TUBB3: variants seen among roughly 807,000 people sequenced by gnomAD.
The protein encoded by TUBB3 is tubulin beta-3 chain.
Under a neutral mutation model 37.8 loss-of-function variants are expected in TUBB3, and 17 were observed. The ratio of observed to expected loss-of-function variants is 0.45; its 90% CI spans 0.31 to 0.67. The LOEUF is 0.67. Among genes scored for constraint, TUBB3 ranks in the 30% least tolerant of loss-of-function variants. The probability of loss-of-function intolerance (pLI) is 0.07; values close to 1 mark genes in which losing one functional copy is unlikely to be tolerated. For synonymous variants in TUBB3, 332 were observed against 278.9 expected, an observed-to-expected ratio of 1.19 and a Z score of -1.90; for missense variants, 262 against 657.9, an observed-to-expected ratio of 0.40 and a Z score of 6.58.
Position 89,935,903 on chromosome 16 carries a change from C to A in TUBB3, c.*99C>A. The stretch of plus-strand genomic sequence containing the variant: ...ATCTTGCTGCCGACACCCTGCTTTC[C>A]CCTCGCCCTAGGGCTCCCTTGCCGC... On this transcript the variant is annotated 3_prime_UTR_variant, in exon 4 of 4. Coordinates refer to ENST00000315491, the MANE Select transcript of TUBB3 (RefSeq NM_006086.4). The A allele has an allele frequency of 6.9e-7, 1 of 1,453,664 alleles. No individual in the cohort carries two copies. The highest frequency in any genetic ancestry group is 9.3e-7 in the Non-Finnish European group (1 of 1,080,360). 90.0% of individuals were successfully genotyped at this position (1,453,664 alleles called of 1,614,324 possible). A position where few individuals can be genotyped will look rare whatever the true frequency, so the allele number is the denominator to read the frequency against.
rs1003499754 is a variant in TUBB3, at chr16:89,928,728, G to C, written c.58-3843G>C. Among the ~76,000 whole-genome samples the C allele has an allele frequency of 5.3e-5, 8 of 151,860 alleles. No homozygotes were observed. The South Asian group carries it at 1.5e-3, about 28-fold the overall frequency. The stretch of plus-strand genomic sequence containing the variant: ...TTTAGTAGAGACAGGGTTTCACTGT[G>C]CCAGCCAGGATGGTCTCGATCTCCT... On this transcript the variant is annotated intron_variant, in intron 1 of 3. Transcript: ENST00000315491.
At chr16:89,927,012 G>C (rs567413574) in intron 1 of TUBB3, among the ~76,000 whole-genome samples, 1 of 151,798 alleles carries the variant, frequency 6.6e-6, no homozygotes, top group African/African-American at 2.4e-5. Flanking sequence ...CCACCACGCC[G>C]GGCCGATTTC....
At position 89,935,255 on chromosome 16, in the gene TUBB3, C is replaced by A. The variant is rs368243859; in HGVS notation, c.804C>A (p.Pro268=). 76 of 1,613,598 alleles carry A rather than the reference C, an allele frequency of 4.7e-5. No individual in the cohort carries two copies. The highest frequency in any genetic ancestry group is 6.4e-5 in the Non-Finnish European group (76 of 1,179,992). ...VPFPRLHFFM[P]GFAPLTARGS... The stretch of plus-strand genomic sequence containing the variant: ...TCCCGCGCCTGCACTTCTTCATGCC[C>A]GGCTTCGCCCCCCTCACAGCCCGGG... The change falls in exon 4 of 4, where the codon CCC becomes CCA. Residue 268 remains proline, a synonymous_variant. Coordinates refer to ENST00000315491, the MANE Select transcript of TUBB3 (RefSeq NM_006086.4).
chr16:89,923,365 C>A lies in TUBB3; in HGVS notation c.-37C>A, dbSNP rs750230530. ...CCCTCAGCAGCCAGCCCGGCCCGCC[C>A]GCGCCCGTCCGCAGCCGCCCGCCAG... On this transcript the variant is annotated 5_prime_UTR_variant, in exon 1 of 4. Transcript: ENST00000315491. 1.3e-5 allele frequency: 19 copies of A among 1,443,688 alleles called. No homozygotes were observed. In the East Asian group the frequency reaches 4.5e-4, roughly 34 times the overall value. 89.4% of individuals were successfully genotyped at this position (1,443,688 alleles called of 1,614,324 possible).
chr16:89,924,433 T>C (rs1322372334), intron 1 of TUBB3, among the ~76,000 whole-genome samples: 1 of 149,302 alleles, frequency 6.7e-6, no homozygotes, highest in East Asian at 2.0e-4. Flanking sequence ...CCAAAGGATC[T>C]GCCCTCCGAA....
intron 1 of TUBB3, among the ~76,000 whole-genome samples, chr16:89,927,799 C>G (rs1442684595): frequency 6.6e-6 from 1 of 152,262 alleles, no homozygotes; most frequent in East Asian, 1.9e-4. Context: ...TGAATCCACT[C>G]TGCTCCATTG....
At chr16:89,924,861 G>C (rs948986915) in intron 1 of TUBB3, among the ~76,000 whole-genome samples, 1 of 152,008 alleles carries the variant, frequency 6.6e-6, no homozygotes, top group East Asian at 1.9e-4. Context: ...TTGGCCTGAT[G>C]GGAGGGGCTG....
rs141584823 is a variant in TUBB3 at position 89,935,141 on chromosome 16, G to A, written c.690G>A (p.Ser230=). ...ACGGGGACCTCAACCACCTGGTATC[G>A]GCCACCATGAGCGGAGTCACCACCT... The part of the protein sequence containing the change: ...PTYGDLNHLV[S]ATMSGVTTSL... Residue 230 remains serine, a synonymous_variant, in exon 4 of 4, where the codon TCG becomes TCA. Transcript: ENST00000315491. 34 of 1,614,048 alleles carry A rather than the reference G, an allele frequency of 2.1e-5. No individual in the cohort carries two copies. The East Asian group carries it at 2.7e-4, about 13-fold the overall frequency.
rs905258274 is a variant in TUBB3 at position 89,932,734 on chromosome 16, G to T, written c.166+55G>T. 1.2e-5 allele frequency: 17 copies of T among 1,441,416 alleles called. No homozygotes were observed. The Admixed American group carries it at 2.9e-4, about 24-fold the overall frequency. 89.3% of individuals were successfully genotyped at this position (1,441,416 alleles called of 1,614,324 possible). A position where few individuals can be genotyped will look rare whatever the true frequency, so the allele number is the denominator to read the frequency against. ...AGCCCTGGACTGACCAGGTCTCAGC[G>T]TCTGACTGACCAGGTCTCAGCACCT... On this transcript the variant is annotated intron_variant, in intron 2 of 3. Transcript: ENST00000315491.
In TUBB3 at chr16:89,935,255, C is replaced by G. The variant is rs368243859; in HGVS notation, c.804C>G (p.Pro268=). 3 of 1,613,716 alleles carry G rather than the reference C, an allele frequency of 1.9e-6. No homozygotes were observed. The highest frequency in any genetic ancestry group is 2.5e-6 in the Non-Finnish European group (3 of 1,179,984). ...VPFPRLHFFM[P]GFAPLTARGS... is the part of the protein sequence containing the mutation. Reference sequence around the variant, plus strand: ...TCCCGCGCCTGCACTTCTTCATGCCCGGCTTCGCCCCCCTCACAGCCCGGG... The same window carrying G: ...TCCCGCGCCTGCACTTCTTCATGCCGGGCTTCGCCCCCCTCACAGCCCGGG... The change falls in exon 4 of 4, where the codon CCC becomes CCG. Residue 268 remains proline (P), a synonymous_variant. Transcript: ENST00000315491.
chr16:89,923,541 G>GC, intron 1 of TUBB3, 83 bp downstream of exon 1: 1 of 1,235,272 alleles, frequency 8.1e-7, no homozygotes. Flanking sequence ...ACCTCCAGCT[G>GC]CCCCCGCCCC....
At position 89,923,365 on chromosome 16, in the gene TUBB3, CG is replaced by C; in HGVS notation, c.-36del. On this transcript the variant is annotated 5_prime_UTR_variant, in exon 1 of 4. Transcript: ENST00000315491. Reference sequence around the variant, plus strand: ...CCCTCAGCAGCCAGCCCGGCCCGCCCGCGCCCGTCCGCAGCCGCCCGCCAGA... The same window carrying C: ...CCCTCAGCAGCCAGCCCGGCCCGCCCCGCCCGTCCGCAGCCGCCCGCCAGA... 1 of 1,443,686 alleles carries C rather than the reference CG, an allele frequency of 6.9e-7. No individual in the cohort carries two copies. 89.4% of individuals were successfully genotyped at this position (1,443,686 alleles called of 1,614,324 possible). A position where few individuals can be genotyped will look rare whatever the true frequency, so the allele number is the denominator to read the frequency against.
rs535937255 is a variant in TUBB3, at chr16:89,935,455, G to A, written c.1004G>A (p.Ser335Asn). ...GACGAGCAGATGCTGGCCATCCAGA[G>A]CAAGAACAGCAGCTACTTCGTGGAG... Reference protein sequence around the residue: ...EVDEQMLAIQSKNSSYFVEWI... With the variant: ...EVDEQMLAIQNKNSSYFVEWI... Residue 335 changes from serine to asparagine, a missense_variant, in exon 4 of 4, where the codon AGC becomes AAC. Coordinates refer to ENST00000315491, the MANE Select transcript of TUBB3 (RefSeq NM_006086.4). 2 of 1,614,236 alleles carry A rather than the reference G, an allele frequency of 1.2e-6. No homozygotes were observed. Among genetic ancestry groups the A allele is most frequent in the South Asian group, 1.1e-5 (1 of 91,084 alleles).
intron 2 of TUBB3, 44 bp downstream of exon 2, chr16:89,932,723 C>T (rs763302295): frequency 4.6e-6 from 7 of 1,516,386 alleles, no homozygotes; most frequent in South Asian, 2.3e-5. Context: ...CTGGACTGAC[C>T]AGGTCTCAGC....
At chr16:89,927,829 C>T (rs527961659) in intron 1 of TUBB3, among the ~76,000 whole-genome samples, 9 of 152,220 alleles carry the variant, frequency 5.9e-5, no homozygotes, top group Non-Finnish European at 8.8e-5. Flanking sequence ...CCCTGTGCCT[C>T]GCTCTGCAGA....
chr16:89,927,584 T>A (rs60723967), intron 1 of TUBB3, among the ~76,000 whole-genome samples: 52,448 of 152,070 alleles, frequency 0.34, 9,707 homozygotes, highest in East Asian at 0.64. Flanking sequence ...CCATTTTTTT[T>A]AAGTGACCTG....
chr16:89,924,051 C>T (rs1210878755), intron 1 of TUBB3, among the ~76,000 whole-genome samples: 1 of 152,244 alleles, frequency 6.6e-6, no homozygotes, highest in Non-Finnish European at 1.5e-5. Flanking sequence ...GGACCAGGCT[C>T]TCCATCGGCG....
upstream of TUBB3, chr16:89,922,018 C>T (rs1376158255): frequency 6.6e-6 from 1 of 152,540 alleles, no homozygotes. Flanking sequence ...CAGACACTCA[C>T]CCCGGACTCC....
rs952663839 is a variant in TUBB3 at position 89,929,795 on chromosome 16, G to A, written c.58-2776G>A. On this transcript the variant is annotated intron_variant, in intron 1 of 3. Transcript: ENST00000315491. ...AAGCTCACTGCAACCTCCACCTCCC[G>A]AGTTCGTGTGATTCTCCGCCTCAGC... Among the ~76,000 whole-genome samples the A allele has an allele frequency of 4.6e-5, 7 of 152,272 alleles. No individual in the cohort carries two copies. The South Asian group carries it at 8.3e-4, about 18-fold the overall frequency.
Sources: allele counts gnomAD v4.1 joint callset (sites outside exome capture counted in the v4.1 genomes callset), GRCh38; gene constraint gnomAD v4.1.1; transcripts MANE v1.5; gene names NCBI Gene and HGNC (gene_info 2026-07-23, HGNC 2026-07-21).